Variants in RAB28 observed in about 807,000 individuals in gnomAD.
RAB28 encodes RAB28, member RAS oncogene family, also known as ras-related protein Rab-28.
Under a neutral mutation model 31.7 loss-of-function variants are expected in RAB28, and 24 were observed. That is an observed-to-expected ratio of 0.76 (90% confidence interval 0.55 to 1.06). The LOEUF is 1.06. Ranked by LOEUF, RAB28 falls within the 50% of genes least tolerant of loss-of-function variation. The pLI is 0.00. For synonymous variants in RAB28, 100 were observed against 90.4 expected (o/e 1.11, Z -0.60); for missense variants, 254 against 258.5 (o/e 0.98, Z 0.12).
intron 2 of RAB28, among the ~76,000 whole-genome samples, chr4:13,476,432 A>G (rs1385378651): frequency 6.6e-6 from 1 of 151,574 alleles, no homozygotes; most frequent in Non-Finnish European, 1.5e-5. Flanking sequence ...AATTACTGAT[A>G]GTCCACTAAT....
intron 4 of RAB28, among the ~76,000 whole-genome samples, chr4:13,432,875 A>G (rs1713886932): frequency 6.6e-6 from 1 of 152,134 alleles, no homozygotes; most frequent in Admixed American, 6.5e-5. Context: ...GACTAGAAAG[A>G]AACTAGTTAA....
intron 4 of RAB28, among the ~76,000 whole-genome samples, chr4:13,383,758 T>C (rs993794318): frequency 6.6e-6 from 1 of 152,208 alleles, no homozygotes; most frequent in African/African-American, 2.4e-5. Context: ...TAAAGGGCAG[T>C]TCCCCTGCAC....
rs187979414 is a variant in RAB28 at position 13,470,309 on chromosome 4, G to A, written c.261+4009C>T. Among the ~76,000 whole-genome samples the A allele has an allele frequency of 7.0e-3, 1,064 of 152,076 alleles. 13 individuals carry two copies. The highest frequency in any genetic ancestry group is 0.024 in the African/African-American group (1,010 of 41,518). On this transcript the variant is annotated intron_variant, in intron 3 of 6. Coordinates refer to ENST00000330852, the MANE Select transcript of RAB28 (RefSeq NM_001017979.3). The stretch of plus-strand genomic sequence containing the variant: ...AACCCGTAAGAAACACTAACACAAA[G>A]AAAGTCTACAAACATAATCAGTTAT...
chr4:13,367,745 T>C lies in RAB28; in HGVS notation c.*813A>G. On this transcript the variant is annotated 3_prime_UTR_variant, in exon 7 of 7. Coordinates refer to ENST00000330852, the MANE Select transcript of RAB28 (RefSeq NM_001017979.3). ...GAAGTAATTTAAATAAGTTTATTTG[T>C]GAAAGAAAAACATCTGAACATCAGG... 1 of 984,266 alleles carries C rather than the reference T, an allele frequency of 1.0e-6. No homozygotes were observed. Among genetic ancestry groups the C allele is most frequent in the East Asian group, 1.1e-4 (1 of 8,810 alleles). The allele number at this position is 984,266 out of a possible 1,614,324, so 61.0% of individuals were successfully genotyped here. A position where few individuals can be genotyped will look rare whatever the true frequency, so the allele number is the denominator to read the frequency against.
intron 4 of RAB28, among the ~76,000 whole-genome samples, chr4:13,443,117 T>G (rs936005164): frequency 3.9e-5 from 6 of 152,142 alleles, no homozygotes; most frequent in Admixed American, 2.0e-4. Context: ...AGCTTCAAGT[T>G]AGGGCTATGA....
chr4:13,392,661 G>T (rs1197969744), intron 4 of RAB28, among the ~76,000 whole-genome samples: 1 of 152,172 alleles, frequency 6.6e-6, no homozygotes, highest in African/African-American at 2.4e-5. Context: ...ATTCTTGGAA[G>T]TTGCTAAGAG....
chr4:13,439,458 A>T (rs1714300966), intron 4 of RAB28, among the ~76,000 whole-genome samples: 1 of 152,140 alleles, frequency 6.6e-6, no homozygotes, highest in Non-Finnish European at 1.5e-5. Context: ...AGGCTCAAAT[A>T]ACTCTCATGC....
chr4:13,460,601 T>A, intron 4 of RAB28, 98 bp downstream of exon 4: 1 of 1,459,192 alleles, frequency 6.9e-7, no homozygotes, highest in South Asian at 1.2e-5. Context: ...GGGGATTAGG[T>A]CTTTGACATA....
At position 13,428,318 on chromosome 4, in the gene RAB28, A is replaced by G. The variant is rs193188343; in HGVS notation, c.391+32381T>C. 7.7e-4 allele frequency among the ~76,000 whole-genome samples: 118 copies of G among 152,372 alleles called. 2 individuals carry two copies. Among genetic ancestry groups the G allele is most frequent in the South Asian group, 1.4e-3 (7 of 4,830 alleles). The stretch of plus-strand genomic sequence containing the variant: ...AAGCACCCTAACAAAGCATGAAAAC[A>G]AGCCTTAAAGTATCAAGCCACAAAT... On this transcript the variant is annotated intron_variant, in intron 4 of 6. Coordinates refer to ENST00000330852, the MANE Select transcript of RAB28 (RefSeq NM_001017979.3).
At chr4:13,482,723 C>T (rs1004221128) in intron 1 of RAB28, among the ~76,000 whole-genome samples, 6 of 152,150 alleles carry the variant, frequency 3.9e-5, no homozygotes, top group East Asian at 1.9e-4. Context: ...GTAATCAGAG[C>T]ATATTGTTTT....
At chr4:13,467,673 GGA>G (rs1011023562) in intron 3 of RAB28, among the ~76,000 whole-genome samples, 1 of 151,702 alleles carries the variant, frequency 6.6e-6, no homozygotes, top group Admixed American at 6.6e-5. Flanking sequence ...TGCTAAAACA[GGA>G]GAGAAAATAC....
At chr4:13,460,965 A>C in intron 3 of RAB28, 137 bp from the exon 4 acceptor site, 1 of 790,054 alleles carries the variant, frequency 1.3e-6, no homozygotes, top group Non-Finnish European at 1.9e-6. Flanking sequence ...ATAAACTTCC[A>C]TTTAAATTGC....
intron 6 of RAB28, among the ~76,000 whole-genome samples, chr4:13,373,781 T>C (rs1291994601): frequency 6.6e-6 from 1 of 152,144 alleles, no homozygotes; most frequent in African/African-American, 2.4e-5. Flanking sequence ...ACAAACTAAA[T>C]TATTATAGTA....
chr4:13,379,238 G>A (rs1012208239), intron 5 of RAB28, among the ~76,000 whole-genome samples: 13 of 149,412 alleles, frequency 8.7e-5, no homozygotes, highest in African/African-American at 3.2e-4. Context: ...AGTCACCTAG[G>A]TGAGGGGAAG....
At position 13,367,783 on chromosome 4, in the gene RAB28, C is replaced by T. The variant is rs1487943616; in HGVS notation, c.*775G>A. 5 of 984,960 alleles carry T rather than the reference C, an allele frequency of 5.1e-6. No homozygotes were observed. The highest frequency in any genetic ancestry group is 6.0e-6 in the Non-Finnish European group (5 of 829,724). 61.0% of individuals were successfully genotyped at this position (984,960 alleles called of 1,614,324 possible). The stretch of plus-strand genomic sequence containing the variant: ...TCTGAACATCAGGTACAGTCTGATC[C>T]ACAATGTCATAACTCATTCTCGGGA... On this transcript the variant is annotated 3_prime_UTR_variant, in exon 7 of 7. Transcript: ENST00000330852.
At chr4:13,457,825 T>C (rs369257085) in intron 4 of RAB28, among the ~76,000 whole-genome samples, 34 of 152,260 alleles carry the variant, frequency 2.2e-4, no homozygotes, top group African/African-American at 7.9e-4. Context: ...ACATATAACA[T>C]AATGTATATA....
At chr4:13,461,116 A>G (rs1372480467) in intron 3 of RAB28, among the ~76,000 whole-genome samples, 1 of 152,212 alleles carries the variant, frequency 6.6e-6, no homozygotes, top group African/African-American at 2.4e-5. Context: ...GGTAAGTTAC[A>G]GTAAATATAA....
chr4:13,374,149 T>C (rs376508672), intron 6 of RAB28, among the ~76,000 whole-genome samples: 7 of 152,260 alleles, frequency 4.6e-5, no homozygotes, highest in African/African-American at 1.7e-4. Context: ...ACAAAGAATT[T>C]TGACAAACAT....
At chr4:13,417,132 T>C (rs973467911) in intron 4 of RAB28, among the ~76,000 whole-genome samples, 3 of 152,196 alleles carry the variant, frequency 2.0e-5, no homozygotes, top group Non-Finnish European at 4.4e-5. Context: ...CCTTGCTCAC[T>C]AGCAGTGCAG....
Sources: gnomAD v4.1 joint callset for allele counts (sites outside exome capture counted in the v4.1 genomes callset) on GRCh38, gnomAD v4.1.1 for gene constraint, MANE v1.5 for transcripts, NCBI Gene and HGNC (gene_info 2026-07-23, HGNC 2026-07-21) for gene names.